The following FAM167A variants were observed in gnomAD, a reference collection of about 807,000 sequenced individuals.
FAM167A encodes family with sequence similarity 167 member A, also known as protein FAM167A.
FAM167A carries 23 observed loss-of-function variants against 14.9 expected under a neutral mutation model. The observed-to-expected ratio is 1.55, with a 90% CI of 1.11 to 2.19. The LOEUF is 2.19. Among genes scored for constraint, FAM167A ranks in the 30% most tolerant of loss-of-function variants. The pLI, the probability that FAM167A is intolerant of heterozygous loss-of-function variation, is 0.00. For synonymous variants in FAM167A, 174 were observed against 117.7 expected, an observed-to-expected ratio of 1.48 and a Z score of -3.10; for missense variants, 401 against 281.5, an observed-to-expected ratio of 1.42 and a Z score of -3.04.
At chr8:11,438,701 C>T (rs925808483) in intron 2 of FAM167A, 1 of 370,750 alleles carries the variant, frequency 2.7e-6, no homozygotes. Flanking sequence ...TTTGGTAACC[C>T]CCACGAGGCC....
At position 11,424,466 on chromosome 8, in the gene FAM167A, G is replaced by T. The variant is rs1804988279; in HGVS notation, c.552C>A (p.Ser184=). Residue 184 remains serine, a synonymous_variant, in exon 3 of 3, where the codon TCC becomes TCA. Coordinates refer to ENST00000284486, the MANE Select transcript of FAM167A (RefSeq NM_053279.3). ...AGAGGCTGAAGGAGGAGGCAAGAGG[G>T]GAGTCACAGAAGAGGTCGGCCAGCT... ...RDELADLFCD[S]PLASSFSLST... is the part of the protein sequence containing the mutation. The T allele has an allele frequency of 6.2e-7, 1 of 1,614,036 alleles. No homozygotes were observed. The highest frequency in any genetic ancestry group is 1.3e-5 in the African/African-American group (1 of 74,906).
upstream of FAM167A, among the ~76,000 whole-genome samples, chr8:11,468,219 C>T (rs929647525): frequency 5.3e-5 from 8 of 152,232 alleles, no homozygotes; most frequent in African/African-American, 9.6e-5. Context: ...GCCTTCAACG[C>T]CCCCAGTCCT....
At chr8:11,447,820 T>C (rs192066272) in intron 1 of FAM167A, among the ~76,000 whole-genome samples, 1 of 152,346 alleles carries the variant, frequency 6.6e-6, no homozygotes, top group African/African-American at 2.4e-5. Context: ...TGTCCTCTTC[T>C]GAGAAATGAG....
chr8:11,432,501 A>G lies in FAM167A; in HGVS notation c.382-7865T>C, dbSNP rs140428419. Among the ~76,000 whole-genome samples, 305 of 152,364 alleles carry G rather than the reference A, an allele frequency of 2.0e-3. 2 individuals are homozygous for G. The highest frequency in any genetic ancestry group is 7.2e-3 in the African/African-American group (299 of 41,580). ...ATCACTGGTCATTAGAGAAATGCAA[A>G]TCAAAATCACAAGGAGATACCATCT... On this transcript the variant is annotated intron_variant, in intron 2 of 2. Coordinates refer to ENST00000284486, the MANE Select transcript of FAM167A (RefSeq NM_053279.3).
At chr8:11,428,730 G>A (rs544952894) in intron 2 of FAM167A, among the ~76,000 whole-genome samples, 27 of 152,332 alleles carry the variant, frequency 1.8e-4, no homozygotes, top group Admixed American at 1.2e-3. Context: ...GTTTGTCCCC[G>A]TGATGCGGGA....
intron 2 of FAM167A, among the ~76,000 whole-genome samples, chr8:11,428,022 G>T (rs898815853): frequency 6.6e-6 from 1 of 152,306 alleles, no homozygotes; most frequent in East Asian, 1.9e-4. Context: ...TATTGTCTGC[G>T]AACACCCATT....
upstream of FAM167A, among the ~76,000 whole-genome samples, chr8:11,471,926 G>A (rs1372817405): frequency 1.3e-5 from 2 of 152,222 alleles, no homozygotes; most frequent in African/African-American, 2.4e-5. Context: ...GGGGGCCACA[G>A]GTGGGGCCTG....
intron 2 of FAM167A, among the ~76,000 whole-genome samples, chr8:11,430,704 A>G (rs1228983998): frequency 1.3e-5 from 2 of 152,134 alleles, no homozygotes; most frequent in Non-Finnish European, 2.9e-5. Flanking sequence ...ATGGGTCTGG[A>G]AGAGGACAGA....
At chr8:11,461,913 G>A (rs549533044) in intron 1 of FAM167A, among the ~76,000 whole-genome samples, 9 of 152,218 alleles carry the variant, frequency 5.9e-5, no homozygotes, top group Non-Finnish European at 1.0e-4. Context: ...TTCGGGCTGG[G>A]GGTCCTGACC....
chr8:11,443,985 G>A (rs201075289), intron 2 of FAM167A, 46 bp downstream of exon 2: 10 of 1,568,126 alleles, frequency 6.4e-6, no homozygotes, highest in East Asian at 2.3e-5. Context: ...ACAGAGAGAC[G>A]GTGGCATCTC....
rs1047874119 is a variant in FAM167A, at chr8:11,423,707, C to A, written c.*666G>T. 6.5e-6 allele frequency: 1 copy of A among 152,828 alleles called. No individual in the cohort carries two copies. Among genetic ancestry groups the A allele is most frequent in the African/African-American group, 2.4e-5 (1 of 41,452 alleles). The allele number at this position is 152,828 out of a possible 1,614,324, so 9.5% of individuals were successfully genotyped here. On this transcript the variant is annotated 3_prime_UTR_variant, in exon 3 of 3. Coordinates refer to ENST00000284486, the MANE Select transcript of FAM167A (RefSeq NM_053279.3). ...CTGTGCTTGTTGCACCCAAGCTACG[C>A]TAGTGCCCCCATCACATGTCCCAGC...
chr8:11,441,528 G>T lies in FAM167A; in HGVS notation c.381+2503C>A, dbSNP rs186194197. On this transcript the variant is annotated intron_variant, in intron 2 of 2. Coordinates refer to ENST00000284486, the MANE Select transcript of FAM167A (RefSeq NM_053279.3). ...TCCTGTGATGAGGATGATTTCTGGA[G>T]CATGCATCTCCTTGGTCGCTGCTCT... Among the ~76,000 whole-genome samples, 13 of 152,306 alleles carry T rather than the reference G, an allele frequency of 8.5e-5. No individual in the cohort carries two copies. The East Asian group carries it at 2.5e-3, about 29-fold the overall frequency.
chr8:11,444,838 C>G (rs979463510), intron 1 of FAM167A, 30 bp from the exon 2 acceptor site: 80 of 993,982 alleles, frequency 8.0e-5, no homozygotes, highest in Middle Eastern at 5.1e-4. Context: ...CGCATCAGTC[C>G]CGATCCCTGC....
intron 2 of FAM167A, among the ~76,000 whole-genome samples, chr8:11,430,306 C>T (rs2117009757): frequency 6.6e-6 from 1 of 152,326 alleles, no homozygotes; most frequent in South Asian, 2.1e-4. Flanking sequence ...CAGGGTGTCC[C>T]CACCAGGCTT....
chr8:11,429,813 C>T (rs1268658906), intron 2 of FAM167A, among the ~76,000 whole-genome samples: 1 of 152,226 alleles, frequency 6.6e-6, no homozygotes, highest in Non-Finnish European at 1.5e-5. Flanking sequence ...CAAGTCACTG[C>T]CACCTGGAAC....
rs145481836 is a variant in FAM167A at position 11,424,584 on chromosome 8, C to G, written c.434G>C (p.Arg145Pro). ...GATTTTCAGCTTGTTGATGTCGCCA[C>G]GCAGGCGCATGAGCTGTCTGGCCAG... is the stretch of plus-strand genomic sequence containing the variant. ...QQLARQLMRL[R>P]GDINKLKIEH... Residue 145 changes from arginine (R) to proline (P), a missense_variant, in exon 3 of 3, where the codon CGT becomes CCT. Physicochemically the swap from Arg to Pro is moderately radical, Grantham distance 103. Coordinates refer to ENST00000284486, the MANE Select transcript of FAM167A (RefSeq NM_053279.3). 13 of 1,613,942 alleles carry G rather than the reference C, an allele frequency of 8.1e-6. No homozygotes were observed. Among genetic ancestry groups the G allele is most frequent in the Non-Finnish European group, 1.1e-5 (13 of 1,179,986 alleles).
rs769766563 is a variant in FAM167A at position 11,424,388 on chromosome 8, C to T, written c.630G>A (p.Arg210=). The T allele has an allele frequency of 2.4e-5, 39 of 1,613,972 alleles. No homozygotes were observed. The Admixed American group carries it at 3.2e-4, about 13-fold the overall frequency. ...GVTKMNINSR[R]FSLC Reference sequence around the variant, plus strand: ...TGAGGGCTCCTCAGCAGAGAGAGAACCTCCGAGAGTTGATGTTCATCTTGG... The same window carrying T: ...TGAGGGCTCCTCAGCAGAGAGAGAATCTCCGAGAGTTGATGTTCATCTTGG... Residue 210 remains arginine (R), a synonymous_variant, in exon 3 of 3, where the codon AGG becomes AGA. Coordinates refer to ENST00000284486, the MANE Select transcript of FAM167A (RefSeq NM_053279.3).
At chr8:11,427,482 G>T (rs1262278343) in intron 2 of FAM167A, among the ~76,000 whole-genome samples, 1 of 152,322 alleles carries the variant, frequency 6.6e-6, no homozygotes, top group African/African-American at 2.4e-5. Context: ...ATGCTCGGCT[G>T]TGCCATTTAC....
chr8:11,443,953 A>T, intron 2 of FAM167A, 78 bp downstream of exon 2: 1 of 1,508,440 alleles, frequency 6.6e-7, no homozygotes, highest in Non-Finnish European at 9.0e-7. Context: ...GGGGAGACAG[A>T]CAGAGAGAGA....
Sources: allele counts gnomAD v4.1 joint callset (sites outside exome capture counted in the v4.1 genomes callset), GRCh38; gene constraint gnomAD v4.1.1; transcripts MANE v1.5; gene names NCBI Gene and HGNC (gene_info 2026-07-23, HGNC 2026-07-21).